The following BMAL2 variants were observed in gnomAD, a reference collection of about 807,000 sequenced individuals.
The protein encoded by BMAL2 is basic helix-loop-helix ARNT-like protein 2.
chr12:27,399,018 G>A, the BMAL2 span, among the ~76,000 whole-genome samples: 15 of 152,232 alleles, frequency 9.9e-5, no homozygotes, highest in Non-Finnish European at 1.6e-4. Context: ...TGGGTTGATC[G>A]TGGCACCAGT....
chr12:27,409,520 G>T, the BMAL2 span, among the ~76,000 whole-genome samples: 5 of 152,186 alleles, frequency 3.3e-5, no homozygotes, highest in African/African-American at 7.2e-5. Flanking sequence ...AATAAATGGT[G>T]CTGGGAAAAC....
chr12:27,406,642 G>A, the BMAL2 span, among the ~76,000 whole-genome samples: 1 of 152,188 alleles, frequency 6.6e-6, no homozygotes, highest in East Asian at 1.9e-4. Flanking sequence ...GCAAAAACAT[G>A]CCAAATTGTA....
the BMAL2 span, among the ~76,000 whole-genome samples, chr12:27,362,741 A>C: frequency 6.6e-6 from 1 of 152,086 alleles, no homozygotes; most frequent in African/African-American, 2.4e-5. Flanking sequence ...ACTTTATATA[A>C]ATTTTTAAAA....
chr12:27,395,538 C>T, the BMAL2 span, among the ~76,000 whole-genome samples: 6 of 151,930 alleles, frequency 3.9e-5, no homozygotes, highest in African/African-American at 1.5e-4. Flanking sequence ...AGCAAAAATG[C>T]ATGTGTACAG....
At chr12:27,405,999 C>G in the BMAL2 span, among the ~76,000 whole-genome samples, 1 of 152,006 alleles carries the variant, frequency 6.6e-6, no homozygotes, top group Non-Finnish European at 1.5e-5. Context: ...ATCAGTGATG[C>G]AAGATCAAAT....
chr12:27,412,358 C>T, the BMAL2 span, among the ~76,000 whole-genome samples: 35 of 152,076 alleles, frequency 2.3e-4, no homozygotes, highest in African/African-American at 8.5e-4. Flanking sequence ...AGTTGGTGAG[C>T]AGTGGGGGTT....
the BMAL2 span, chr12:27,333,009 CG>C: frequency 2.6e-6 from 3 of 1,149,640 alleles, no homozygotes; most frequent in African/African-American, 4.9e-5. Context: ...CGGGGCAGGG[CG>C]GGCCCGGGGC....
At chr12:27,412,301 A>C in the BMAL2 span, among the ~76,000 whole-genome samples, 1 of 152,210 alleles carries the variant, frequency 6.6e-6, no homozygotes, top group Non-Finnish European at 1.5e-5. Context: ...AGGTAGAAGG[A>C]ATCATAGTGG....
At chr12:27,366,501 T>A in the BMAL2 span, among the ~76,000 whole-genome samples, 1 of 152,236 alleles carries the variant, frequency 6.6e-6, no homozygotes, top group South Asian at 2.1e-4. Context: ...TGCTTTAAAC[T>A]TTTTATATGC....
chr12:27,363,156 A>G, the BMAL2 span, among the ~76,000 whole-genome samples: 1 of 152,180 alleles, frequency 6.6e-6, no homozygotes, highest in Non-Finnish European at 1.5e-5. Flanking sequence ...GCTGGACTTC[A>G]TTCATTTTTG....
At chr12:27,380,172 C>T in the BMAL2 span, 3 of 1,461,996 alleles carry the variant, frequency 2.1e-6, no homozygotes, top group Non-Finnish European at 2.8e-6. Context: ...TCAGCATCTG[C>T]TCCAGTGAGC....
the BMAL2 span, among the ~76,000 whole-genome samples, chr12:27,409,668 C>G: frequency 6.6e-6 from 1 of 152,188 alleles, no homozygotes; most frequent in Non-Finnish European, 1.5e-5. Flanking sequence ...GCATACCATT[C>G]AGGACATAGG....
chr12:27,353,343 G>A, the BMAL2 span, among the ~76,000 whole-genome samples: 1 of 152,072 alleles, frequency 6.6e-6, no homozygotes, highest in African/African-American at 2.4e-5. Flanking sequence ...TCCATATTCA[G>A]TAAACTGTGC....
the BMAL2 span, chr12:27,401,291 C>T: frequency 3.1e-6 from 5 of 1,613,994 alleles, no homozygotes; most frequent in Admixed American, 8.3e-5. Context: ...GCCTCAGGAA[C>T]TTTTGGGAAC....
the BMAL2 span, among the ~76,000 whole-genome samples, chr12:27,349,171 T>C: frequency 6.6e-6 from 1 of 152,156 alleles, no homozygotes; most frequent in Non-Finnish European, 1.5e-5. Flanking sequence ...GAGAGTAGCA[T>C]GGGATGAGGC....
the BMAL2 span, among the ~76,000 whole-genome samples, chr12:27,372,677 T>C: frequency 6.6e-6 from 1 of 152,138 alleles, no homozygotes; most frequent in Non-Finnish European, 1.5e-5. Flanking sequence ...TATTTTTTTT[T>C]ATTTTTTATT....
At chr12:27,335,455 C>T in the BMAL2 span, among the ~76,000 whole-genome samples, 3 of 152,132 alleles carry the variant, frequency 2.0e-5, no homozygotes, top group South Asian at 4.1e-4. Flanking sequence ...TCTCACCTTC[C>T]GTTTTCTTAC....
At chr12:27,378,302 T>G in the BMAL2 span, among the ~76,000 whole-genome samples, 1 of 152,218 alleles carries the variant, frequency 6.6e-6, no homozygotes, top group Non-Finnish European at 1.5e-5. Context: ...GCTCTTAGAT[T>G]TGATGAAATA....
chr12:27,349,238 C>T, the BMAL2 span, among the ~76,000 whole-genome samples: 7 of 152,162 alleles, frequency 4.6e-5, no homozygotes, highest in Non-Finnish European at 7.3e-5. Context: ...GTGGGGCCCA[C>T]AGTTGGGTTT....
Sources: allele counts gnomAD v4.1 joint callset (sites outside exome capture counted in the v4.1 genomes callset), GRCh38; gene constraint gnomAD v4.1.1; transcripts MANE v1.5; gene names NCBI Gene and HGNC (gene_info 2026-07-23, HGNC 2026-07-21).